CNTN3: variants seen among roughly 807,000 people sequenced by gnomAD.
The protein encoded by CNTN3 is contactin-3.
Under a neutral mutation model 119.1 loss-of-function variants are expected in CNTN3, and 60 were observed. That is an observed-to-expected ratio of 0.50 (90% CI 0.41 to 0.62). The LOEUF (loss-of-function observed/expected upper bound fraction) is 0.62. Among genes scored for constraint, CNTN3 ranks in the 20% least tolerant of loss-of-function variants. The pLI is 0.00. For synonymous variants in CNTN3, 450 were observed against 438.7 expected (o/e 1.03, Z -0.32); for missense variants, 1,101 against 1,242.4 (o/e 0.89, Z 1.71).
At chr3:74,590,058 T>C (rs1411257640) in intron 1 of CNTN3, among the ~76,000 whole-genome samples, 1 of 151,616 alleles carries the variant, frequency 6.6e-6, no homozygotes, top group Non-Finnish European at 1.5e-5. Flanking sequence ...TGTATACATA[T>C]GTAACTAACC....
intron 1 of CNTN3, among the ~76,000 whole-genome samples, chr3:74,578,046 G>A (rs1704446071): frequency 6.6e-6 from 1 of 151,946 alleles, no homozygotes; most frequent in Admixed American, 6.6e-5. Flanking sequence ...ATTAAACACT[G>A]AAAATATCAA....
intron 1 of CNTN3, among the ~76,000 whole-genome samples, chr3:74,577,376 T>C (rs1261424311): frequency 6.6e-6 from 1 of 152,192 alleles, no homozygotes; most frequent in Non-Finnish European, 1.5e-5. Flanking sequence ...TCTTGGTTCA[T>C]TCCACAATTG....
intron 8 of CNTN3, among the ~76,000 whole-genome samples, chr3:74,366,780 G>GTACATATATATATATATATATATA (rs1704202507): frequency 1.6e-5 from 1 of 63,714 alleles, no homozygotes. Context: ...GTGTGTGTGT[G>GTACATATATATATATATATATATA]TATATATATA....
intron 3 of CNTN3, among the ~76,000 whole-genome samples, chr3:74,495,633 ACAT>A (rs1703048164): frequency 6.6e-6 from 1 of 151,944 alleles, no homozygotes; most frequent in African/African-American, 2.4e-5. Context: ...AGAATTTAGC[ACAT>A]TATTTTATTT....
intron 1 of CNTN3, among the ~76,000 whole-genome samples, chr3:74,534,144 C>A (rs1703730058): frequency 6.6e-6 from 1 of 152,032 alleles, no homozygotes; most frequent in Non-Finnish European, 1.5e-5. Flanking sequence ...CTCATACAAC[C>A]AGGAGTCTTC....
chr3:74,282,471 C>A (rs943164295), intron 20 of CNTN3, among the ~76,000 whole-genome samples: 1 of 152,142 alleles, frequency 6.6e-6, no homozygotes, highest in Non-Finnish European at 1.5e-5. Context: ...TTTCATTCAT[C>A]CATTCAACAT....
chr3:74,383,663 T>C (rs554590879), intron 5 of CNTN3, among the ~76,000 whole-genome samples: 1 of 152,206 alleles, frequency 6.6e-6, no homozygotes, highest in South Asian at 2.1e-4. Flanking sequence ...TTTCTAATTT[T>C]CTGTAGAGAC....
At chr3:74,450,542 AG>A (rs1702131173) in intron 4 of CNTN3, among the ~76,000 whole-genome samples, 1 of 150,114 alleles carries the variant, frequency 6.7e-6, no homozygotes, top group Non-Finnish European at 1.5e-5. Flanking sequence ...TTTAAGTTTT[AG>A]GGTACATGTG....
At chr3:74,400,216 C>A (rs1303691545) in intron 5 of CNTN3, among the ~76,000 whole-genome samples, 1 of 152,146 alleles carries the variant, frequency 6.6e-6, no homozygotes, top group Non-Finnish European at 1.5e-5. Flanking sequence ...ACATAAGGCT[C>A]TTTCTTCTCC....
intron 5 of CNTN3, among the ~76,000 whole-genome samples, chr3:74,372,820 A>C (rs1040037301): frequency 1.3e-5 from 2 of 152,098 alleles, no homozygotes; most frequent in Non-Finnish European, 2.9e-5. Flanking sequence ...AACAGGCCTT[A>C]AAGGACAGGA....
At chr3:74,500,590 G>T (rs1355536338) in intron 2 of CNTN3, among the ~76,000 whole-genome samples, 1 of 149,994 alleles carries the variant, frequency 6.7e-6, no homozygotes, top group African/African-American at 2.4e-5. Flanking sequence ...TTAACTCAGA[G>T]AATGAATAAA....
At chr3:74,543,463 C>G (rs1703870093) in intron 1 of CNTN3, among the ~76,000 whole-genome samples, 1 of 152,026 alleles carries the variant, frequency 6.6e-6, no homozygotes, top group South Asian at 2.1e-4. Context: ...TGAGAATGTA[C>G]TCTTAGATCC....
rs150451762 is a variant in CNTN3 at position 74,394,290 on chromosome 3, T to C, written c.455-22891A>G. ...ATTAGTGGAAATAATATATAGTGAGTCTCAATAAAGGACATACCCTCTCTA... is the reference window on the plus strand; with the variant it reads ...ATTAGTGGAAATAATATATAGTGAGCCTCAATAAAGGACATACCCTCTCTA... On this transcript the variant is annotated intron_variant, in intron 5 of 22. Coordinates refer to ENST00000263665, the MANE Select transcript of CNTN3 (RefSeq NM_020872.3). Among the ~76,000 whole-genome samples, 540 of 152,108 alleles carry C rather than the reference T, an allele frequency of 3.6e-3. 2 individuals carry two copies. Among genetic ancestry groups the C allele is most frequent in the Non-Finnish European group, 6.5e-3 (442 of 67,990 alleles).
intron 4 of CNTN3, among the ~76,000 whole-genome samples, chr3:74,441,470 C>A (rs1407143514): frequency 6.6e-6 from 1 of 152,104 alleles, no homozygotes; most frequent in East Asian, 1.9e-4. Flanking sequence ...GCAATGAGTG[C>A]AATTTTGTAC....
intron 4 of CNTN3, among the ~76,000 whole-genome samples, chr3:74,484,645 G>T (rs1702819694): frequency 6.6e-6 from 1 of 152,050 alleles, no homozygotes; most frequent in Non-Finnish European, 1.5e-5. Context: ...TTTTAAACTA[G>T]AAAGATGAAG....
chr3:74,427,951 G>A (rs1701722356), intron 4 of CNTN3, among the ~76,000 whole-genome samples: 1 of 152,088 alleles, frequency 6.6e-6, no homozygotes, highest in South Asian at 2.1e-4. Context: ...CAACATAATT[G>A]CTGTTCTTCC....
intron 1 of CNTN3, among the ~76,000 whole-genome samples, chr3:74,572,540 A>G (rs1048809557): frequency 1.3e-5 from 2 of 152,196 alleles, no homozygotes; most frequent in African/African-American, 4.8e-5. Flanking sequence ...ATGGTATACA[A>G]TATTGTTCAT....
chr3:74,578,470 C>T (rs894376156), intron 1 of CNTN3, among the ~76,000 whole-genome samples: 3 of 152,000 alleles, frequency 2.0e-5, no homozygotes, highest in Admixed American at 6.6e-5. Context: ...ACTTTTCTTA[C>T]ATACAATGAA....
intron 4 of CNTN3, among the ~76,000 whole-genome samples, chr3:74,457,095 A>C (rs1213529347): frequency 6.6e-6 from 1 of 152,064 alleles, no homozygotes; most frequent in Non-Finnish European, 1.5e-5. Flanking sequence ...AACAAAATTC[A>C]GATTCCCATT....
Sources: gnomAD v4.1 joint callset for allele counts (sites outside exome capture counted in the v4.1 genomes callset) on GRCh38, gnomAD v4.1.1 for gene constraint, MANE v1.5 for transcripts, NCBI Gene and HGNC (gene_info 2026-07-23, HGNC 2026-07-21) for gene names.